CLEC17A: variants seen among roughly 807,000 people sequenced by gnomAD.
The protein encoded by CLEC17A is C-type lectin domain containing 17A, also known as C-type lectin domain family 17, member A.
A neutral mutation model predicts 61.3 loss-of-function variants in CLEC17A; 37 were observed. The ratio of observed to expected loss-of-function variants is 0.60; its 90% CI spans 0.46 to 0.79. CLEC17A has a LOEUF of 0.79. Among genes scored for constraint, CLEC17A ranks in the 30% least tolerant of loss-of-function variants. CLEC17A has a pLI of 0.00. For synonymous variants in CLEC17A, 168 were observed against 164.9 expected, an observed-to-expected ratio of 1.02 and a Z score of -0.14; for missense variants, 418 against 464.7, an observed-to-expected ratio of 0.90 and a Z score of 0.92.
At chr19:14,590,814 T>C (rs1436882448) in intron 3 of CLEC17A, among the ~76,000 whole-genome samples, 2 of 151,626 alleles carry the variant, frequency 1.3e-5, no homozygotes, top group East Asian at 1.9e-4. Flanking sequence ...AGTCTCCCGA[T>C]AGCTGGGACT....
rs2074846783 is a variant in CLEC17A at position 14,605,738 on chromosome 19, G to C, written c.895-1255G>C. 1.3e-5 allele frequency among the ~76,000 whole-genome samples: 2 copies of C among 151,822 alleles called. 1 individual carries two copies. The highest frequency in any genetic ancestry group is 1.3e-4 in the Admixed American group (2 of 15,216). On this transcript the variant is annotated intron_variant, in intron 12 of 13. Coordinates refer to ENST00000417570, the MANE Select transcript of CLEC17A (RefSeq NM_001204118.2). ...GTCCTTTCTTTTCTTCCAAAGACCTGGGATTTTGACTTTTTTCCGGGACAG... is the reference window on the plus strand; with the variant it reads ...GTCCTTTCTTTTCTTCCAAAGACCTCGGATTTTGACTTTTTTCCGGGACAG...
chr19:14,586,889 TTC>T (rs200791447), intron 2 of CLEC17A, among the ~76,000 whole-genome samples: 10,828 of 143,978 alleles, frequency 0.075, 1,385 homozygotes, highest in African/African-American at 0.29. Context: ...CTTTCTTTCT[TTC>T]TTTTTTTTTT....
chr19:14,607,828 G>T (rs1335013329), intron 13 of CLEC17A, among the ~76,000 whole-genome samples: 5 of 151,542 alleles, frequency 3.3e-5, no homozygotes, highest in African/African-American at 1.2e-4. Flanking sequence ...TGCCCACCTT[G>T]GCCTCCCAAA....
chr19:14,587,801 A>C (rs539557308), intron 3 of CLEC17A, 110 bp downstream of exon 3: 1 of 1,545,764 alleles, frequency 6.5e-7, no homozygotes, highest in African/African-American at 1.4e-5. Context: ...TACACAGCCC[A>C]TGCCGGGCAC....
chr19:14,600,266 G>C (rs986266707), intron 12 of CLEC17A, 84 bp downstream of exon 12: 8 of 1,498,926 alleles, frequency 5.3e-6, no homozygotes, highest in Non-Finnish European at 7.2e-6. Flanking sequence ...CCCTTCCCTG[G>C]ATGGCAAGAA....
chr19:14,592,378 T>C lies in CLEC17A; in HGVS notation c.277+20T>C, dbSNP rs973742016. 1.2e-5 allele frequency: 20 copies of C among 1,610,246 alleles called. No individual in the cohort carries two copies. The highest frequency in any genetic ancestry group is 1.6e-5 in the Non-Finnish European group (19 of 1,178,296). On this transcript the variant is annotated intron_variant, in intron 4 of 13. Transcript: ENST00000417570. Reference sequence around the variant, plus strand: ...AGCCAGGTAAGAGGACTTTTTGGAGTGTGACCTGGGGGAATACAGGGAACA... The same window carrying C: ...AGCCAGGTAAGAGGACTTTTTGGAGCGTGACCTGGGGGAATACAGGGAACA...
chr19:14,583,030 A>G, upstream of CLEC17A: 1 of 922,152 alleles, frequency 1.1e-6, no homozygotes, highest in Non-Finnish European at 1.7e-6. Flanking sequence ...TTCCTGTCAA[A>G]ATGAATTTGC....
At chr19:14,607,404 C>G (rs562202392) in intron 13 of CLEC17A, among the ~76,000 whole-genome samples, 25 of 151,694 alleles carry the variant, frequency 1.6e-4, no homozygotes, top group Non-Finnish European at 2.9e-4. Flanking sequence ...GGGGTTTCAC[C>G]GTGTTAGCCA....
chr19:14,598,070 A>G (rs2074592610), intron 10 of CLEC17A, among the ~76,000 whole-genome samples: 2 of 152,134 alleles, frequency 1.3e-5, no homozygotes, highest in Admixed American at 1.3e-4. Flanking sequence ...ACACTGCCTC[A>G]CCCTATGCTT....
Position 14,595,274 on chromosome 19 carries a change from C to T in CLEC17A, c.404C>T (p.Ala135Val). ...AAACCTCTCTCCCCCTTTCTCCCAGCTGTGAATCTTGAGCCTTCTCCATTG... is the reference window on the plus strand; with the variant it reads ...AAACCTCTCTCCCCCTTTCTCCCAGTTGTGAATCTTGAGCCTTCTCCATTG... ...AAVTCPPPQL[A>V]VNLEPSPLQP... Residue 135 changes from alanine (A) to valine (V), a missense_variant and splice_region_variant, in exon 8 of 14, where the codon GCT becomes GTT. Physicochemically the swap from Ala to Val is moderately conservative, Grantham distance 64 (BLOSUM62 0). Coordinates refer to ENST00000417570, the MANE Select transcript of CLEC17A (RefSeq NM_001204118.2). 6.2e-7 allele frequency: 1 copy of T among 1,614,008 alleles called. No homozygotes were observed. Among genetic ancestry groups the T allele is most frequent in the Non-Finnish European group, 8.5e-7 (1 of 1,179,856 alleles).
At position 14,583,404 on chromosome 19, in the gene CLEC17A, C is replaced by T. The variant is rs757315385; in HGVS notation, c.91C>T (p.Pro31Ser). 3 of 1,612,286 alleles carry T rather than the reference C, an allele frequency of 1.9e-6. No individual in the cohort carries two copies. The highest frequency in any genetic ancestry group is 3.4e-5 in the Admixed American group (2 of 59,552). ...EEDDDYENSTPPYKDLPPKPG... is the reference protein window; with the variant it reads ...EEDDDYENSTSPYKDLPPKPG... ...GGATGATGACTATGAGAACTCAACACCTCCCTACAAGGACCTTCCTCCCAA... is the reference window on the plus strand; with the variant it reads ...GGATGATGACTATGAGAACTCAACATCTCCCTACAAGGACCTTCCTCCCAA... Residue 31 changes from proline to serine, a missense_variant, in exon 2 of 14, where the codon CCT becomes TCT. Transcript: ENST00000417570.
intron 2 of CLEC17A, among the ~76,000 whole-genome samples, chr19:14,585,173 T>TA (rs905583368): frequency 2.0e-5 from 3 of 152,120 alleles, no homozygotes; most frequent in Non-Finnish European, 2.9e-5. Context: ...CCAGAGAATT[T>TA]AAAAAAAATA....
rs1393877530 is a variant in CLEC17A, at chr19:14,594,744, T to C, written c.362-15T>C. The C allele has an allele frequency of 3.7e-6, 6 of 1,613,958 alleles. No homozygotes were observed. Among genetic ancestry groups the C allele is most frequent in the Non-Finnish European group, 4.2e-6 (5 of 1,179,882 alleles). Reference sequence around the variant, plus strand: ...GCTGAAGCCCTTCTTGAAATGACTTTCTCATCTCTTCTAGGCCTGGACCTC... The same window carrying C: ...GCTGAAGCCCTTCTTGAAATGACTTCCTCATCTCTTCTAGGCCTGGACCTC... On this transcript the variant is annotated splice_polypyrimidine_tract_variant and intron_variant, in intron 6 of 13. Transcript: ENST00000417570.
chr19:14,607,213 T>TC (rs2074903065), intron 13 of CLEC17A, 111 bp downstream of exon 13: 1 of 382,886 alleles, frequency 2.6e-6, no homozygotes. Flanking sequence ...CTGTTTCTTT[T>TC]TTTTTTTTTG....
intron 10 of CLEC17A, chr19:14,599,511 A>G: frequency 3.2e-6 from 2 of 632,356 alleles, no homozygotes; most frequent in Non-Finnish European, 5.8e-6. Context: ...ACTTTTCCCC[A>G]CATCCCCGGG....
At chr19:14,595,576 T>C (rs533473477) in intron 8 of CLEC17A, among the ~76,000 whole-genome samples, 2 of 152,324 alleles carry the variant, frequency 1.3e-5, no homozygotes, top group South Asian at 2.1e-4. Context: ...TTGATAATGA[T>C]GATGTACTTA....
intron 3 of CLEC17A, among the ~76,000 whole-genome samples, chr19:14,590,825 A>G (rs567879984): frequency 1.3e-5 from 2 of 151,618 alleles, no homozygotes; most frequent in African/African-American, 4.8e-5. Context: ...AGCTGGGACT[A>G]CAGGTGTGCA....
upstream of CLEC17A, among the ~76,000 whole-genome samples, chr19:14,581,814 G>C (rs560084660): frequency 8.6e-5 from 13 of 150,678 alleles, no homozygotes; most frequent in Admixed American, 7.9e-4. Flanking sequence ...CACCATATCT[G>C]GCTAATTTTG....
chr19:14,605,170 T>C (rs2074825772), intron 12 of CLEC17A, among the ~76,000 whole-genome samples: 1 of 151,786 alleles, frequency 6.6e-6, no homozygotes, highest in African/African-American at 2.4e-5. Context: ...CGATCTCAGC[T>C]CACTGCAACC....
Sources: gnomAD v4.1 joint callset for allele counts (sites outside exome capture counted in the v4.1 genomes callset) on GRCh38, gnomAD v4.1.1 for gene constraint, MANE v1.5 for transcripts, NCBI Gene and HGNC (gene_info 2026-07-23, HGNC 2026-07-21) for gene names.